The following SYNPO2 variants were observed in gnomAD, a reference collection of about 807,000 sequenced individuals.
The protein encoded by SYNPO2 is synaptopodin-2.
Under a neutral mutation model 85.0 loss-of-function variants are expected in SYNPO2, and 56 were observed. The observed-to-expected ratio is 0.66, with a 90% CI of 0.53 to 0.82. The LOEUF is 0.82. Ranked by LOEUF, SYNPO2 falls within the 40% of genes least tolerant of loss-of-function variation. The probability of loss-of-function intolerance (pLI) is 0.00; values close to 1 mark genes in which losing one functional copy is unlikely to be tolerated. For missense variants in SYNPO2, 1,575 were observed against 1,534.2 expected (o/e 1.03, Z -0.44); for synonymous variants, 602 against 591.1 (o/e 1.02, Z -0.27).
intron 1 of SYNPO2, among the ~76,000 whole-genome samples, chr4:119,002,913 A>T (rs1012441288): frequency 1.3e-5 from 2 of 152,104 alleles, no homozygotes; most frequent in Non-Finnish European, 2.9e-5. Flanking sequence ...ATATCCAGCA[A>T]TGCTTGCCTT....
chr4:118,992,755 C>T (rs1196187420), intron 1 of SYNPO2, among the ~76,000 whole-genome samples: 2 of 152,162 alleles, frequency 1.3e-5, no homozygotes, highest in African/African-American at 4.8e-5. Context: ...CCTGGACTTG[C>T]TATTGCATCT....
At chr4:118,922,037 G>T (rs1394310189) in intron 1 of SYNPO2, among the ~76,000 whole-genome samples, 1 of 152,114 alleles carries the variant, frequency 6.6e-6, no homozygotes, top group Non-Finnish European at 1.5e-5. Flanking sequence ...GTGCCTTGAG[G>T]GTTGGGACTG....
intron 1 of SYNPO2, among the ~76,000 whole-genome samples, chr4:118,853,586 G>C: frequency 8.1e-6 from 1 of 122,706 alleles, no homozygotes; most frequent in South Asian, 2.7e-4. Flanking sequence ...TTTTCTAACT[G>C]CAGAATAATT....
At chr4:119,034,129 C>A (rs1159694842) in intron 4 of SYNPO2, 2 of 985,280 alleles carry the variant, frequency 2.0e-6, no homozygotes, top group African/African-American at 3.5e-5. Context: ...TTGTTCCCTG[C>A]AAAGGAAATC....
At chr4:118,995,862 TTATC>T (rs34223926) in intron 1 of SYNPO2, among the ~76,000 whole-genome samples, 26,568 of 148,290 alleles carry the variant, frequency 0.18, 2,440 homozygotes, top group Admixed American at 0.21. Flanking sequence ...TCTATTTATC[TTATC>T]TATCTATCTA....
chr4:118,884,392 C>T (rs1732163604), upstream of SYNPO2, among the ~76,000 whole-genome samples: 1 of 152,206 alleles, frequency 6.6e-6, no homozygotes, highest in Admixed American at 6.5e-5. Flanking sequence ...TGACGGCAAT[C>T]CAGAGAAGTC....
At chr4:118,868,441 A>G (rs2110570360) in intron 1 of SYNPO2, among the ~76,000 whole-genome samples, 1 of 152,252 alleles carries the variant, frequency 6.6e-6, no homozygotes, top group East Asian at 1.9e-4. Context: ...TTGAAATTTT[A>G]CAGATATTTG....
chr4:118,973,330 G>A (rs531326397), intron 1 of SYNPO2, among the ~76,000 whole-genome samples: 6 of 151,246 alleles, frequency 4.0e-5, no homozygotes, highest in South Asian at 4.2e-4. Flanking sequence ...ACATATATAC[G>A]TATAATGATT....
intron 1 of SYNPO2, among the ~76,000 whole-genome samples, chr4:118,983,151 C>T (rs763683679): frequency 1.1e-4 from 16 of 152,124 alleles, no homozygotes; most frequent in South Asian, 2.1e-4. Flanking sequence ...TGAACTTCTC[C>T]GGTTTTCTTC....
chr4:118,881,697 C>T (rs1467080318), intron 1 of SYNPO2, among the ~76,000 whole-genome samples: 3 of 152,170 alleles, frequency 2.0e-5, no homozygotes, highest in Non-Finnish European at 2.9e-5. Context: ...AAGCCACGTT[C>T]GGCCTCCAAG....
chr4:118,994,449 G>A (rs1182593733), intron 1 of SYNPO2, among the ~76,000 whole-genome samples: 1 of 152,212 alleles, frequency 6.6e-6, no homozygotes, highest in African/African-American at 2.4e-5. Flanking sequence ...TGTTTTGAAA[G>A]AGGAGACCTA....
At chr4:119,010,916 G>T (rs1048213166) in intron 1 of SYNPO2, among the ~76,000 whole-genome samples, 1 of 152,222 alleles carries the variant, frequency 6.6e-6, no homozygotes, top group East Asian at 1.9e-4. Flanking sequence ...TGAAGAGAGA[G>T]AGTAGCTGAG....
intron 1 of SYNPO2, among the ~76,000 whole-genome samples, chr4:118,898,313 C>T (rs998279295): frequency 1.3e-5 from 2 of 152,202 alleles, no homozygotes; most frequent in African/African-American, 2.4e-5. Context: ...CCCACCACCT[C>T]GGCTCAGGTC....
intron 1 of SYNPO2, among the ~76,000 whole-genome samples, chr4:118,907,653 A>C (rs1192219155): frequency 2.0e-5 from 3 of 152,216 alleles, no homozygotes; most frequent in Non-Finnish European, 4.4e-5. Flanking sequence ...TTTACAGTCT[A>C]TACTGTAAAC....
intron 1 of SYNPO2, among the ~76,000 whole-genome samples, chr4:118,883,277 G>A (rs1732142674): frequency 6.6e-6 from 1 of 152,040 alleles, no homozygotes. Context: ...ATAATGAAGA[G>A]TAACTTCTAG....
rs753042978 is a variant in SYNPO2, at chr4:119,030,106, A to T, written c.1331A>T (p.Glu444Val). The change falls in exon 4 of 5, where the codon GAG becomes GTG. Residue 444 changes from glutamate (E) to valine (V), a missense_variant. Coordinates refer to ENST00000307142, the MANE Select transcript of SYNPO2 (RefSeq NM_133477.3). Reference sequence around the variant, plus strand: ...GCATTTCTTGGTGCAAGCGAATCAGAGGTGGATGAAGAGTTATTGTCTGAC... The same window carrying T: ...GCATTTCTTGGTGCAAGCGAATCAGTGGTGGATGAAGAGTTATTGTCTGAC... ...EVAFLGASES[E>V]VDEELLSDVD... The T allele has an allele frequency of 2.5e-6, 4 of 1,614,138 alleles. No individual in the cohort carries two copies. Among genetic ancestry groups the T allele is most frequent in the Middle Eastern group, 1.6e-4 (1 of 6,062 alleles).
chr4:119,017,525 G>A (rs1737565760), intron 1 of SYNPO2, among the ~76,000 whole-genome samples: 1 of 141,968 alleles, frequency 7.0e-6, no homozygotes, highest in African/African-American at 2.6e-5. Context: ...ACTAGAACAT[G>A]TAGTGTACAT....
Position 119,029,928 on chromosome 4 carries a change from G to A in SYNPO2, c.1153G>A (p.Asp385Asn). 2 of 1,613,604 alleles carry A rather than the reference G, an allele frequency of 1.2e-6. No individual in the cohort carries two copies. Among genetic ancestry groups the A allele is most frequent in the African/African-American group, 1.3e-5 (1 of 74,946 alleles). Reference protein sequence around the residue: ...KCKSIALLLTDAPNPNSKGVL... With the variant: ...KCKSIALLLTNAPNPNSKGVL... ...CAAAAGCATTGCCCTTCTTCTAACG[G>A]ATGCTCCCAACCCCAACTCCAAGGG... The change falls in exon 4 of 5, where the codon GAT becomes AAT. Residue 385 changes from aspartate to asparagine, a missense_variant. Coordinates refer to ENST00000307142, the MANE Select transcript of SYNPO2 (RefSeq NM_133477.3).
intron 4 of SYNPO2, chr4:119,034,944 G>A: frequency 1.0e-6 from 1 of 985,454 alleles, no homozygotes; most frequent in Non-Finnish European, 1.2e-6. Flanking sequence ...GAGGTGTAGG[G>A]AGGCAGTTTT....
Sources: gnomAD v4.1 joint callset for allele counts (sites outside exome capture counted in the v4.1 genomes callset) on GRCh38, gnomAD v4.1.1 for gene constraint, MANE v1.5 for transcripts, NCBI Gene and HGNC (gene_info 2026-07-23, HGNC 2026-07-21) for gene names.